Variants in TDP2 observed in about 807,000 individuals in gnomAD.
TDP2 encodes tyrosyl-DNA phosphodiesterase 2.
A neutral mutation model predicts 42.8 loss-of-function variants in TDP2; 38 were observed. The observed-to-expected ratio is 0.89, with a 90% CI of 0.68 to 1.16. TDP2 has a LOEUF of 1.16. Among genes scored for constraint, TDP2 ranks in the 50% most tolerant of loss-of-function variants. TDP2 has a pLI of 0.00. For missense variants in TDP2, 439 were observed against 439.3 expected (o/e 1.00, Z 0.01); for synonymous variants, 173 against 150.6 (o/e 1.15, Z -1.09).
intron 6 of TDP2, 66 bp downstream of exon 6, chr6:24,652,917 A>G: frequency 2.6e-6 from 4 of 1,564,258 alleles, no homozygotes; most frequent in Non-Finnish European, 3.5e-6. Flanking sequence ...CTTTGGTCAA[A>G]GGAACCTAAA....
At position 24,658,553 on chromosome 6, in the gene TDP2, A is replaced by T; in HGVS notation, c.425+8T>A. On this transcript the variant is annotated splice_region_variant and intron_variant, in intron 3 of 6. Coordinates refer to ENST00000378198, the MANE Select transcript of TDP2 (RefSeq NM_016614.3). The stretch of plus-strand genomic sequence containing the variant: ...ACATTACTATTAAATAGAAGTGATA[A>T]TACTTACAAAGCTAAGTAGGAACAC... 1 of 1,601,102 alleles carries T rather than the reference A, an allele frequency of 6.2e-7. No individual in the cohort carries two copies. Among genetic ancestry groups the T allele is most frequent in the Non-Finnish European group, 8.5e-7 (1 of 1,172,644 alleles).
intron 2 of TDP2, chr6:24,666,182 T>C: frequency 6.4e-7 from 1 of 1,550,570 alleles, no homozygotes. Flanking sequence ...GCAAGGAGAC[T>C]TCCAAGTTGC....
chr6:24,664,620 T>C lies in TDP2; in HGVS notation c.251+1906A>G, dbSNP rs528235895. ...ATTCATTTAAGACAGCCAATGCCCT[T>C]GCTCAGCAGGGTTGAGTTTTTCTGG... On this transcript the variant is annotated intron_variant, in intron 2 of 6. Coordinates refer to ENST00000378198, the MANE Select transcript of TDP2 (RefSeq NM_016614.3). Among the ~76,000 whole-genome samples, 8 of 152,332 alleles carry C rather than the reference T, an allele frequency of 5.3e-5. No individual in the cohort carries two copies. In the East Asian group the frequency reaches 1.5e-3, roughly 29 times the overall value.
At chr6:24,663,049 T>C (rs1375191877) in intron 2 of TDP2, among the ~76,000 whole-genome samples, 1 of 152,192 alleles carries the variant, frequency 6.6e-6, no homozygotes, top group Non-Finnish European at 1.5e-5. Context: ...TAACTCAATC[T>C]ACCTCATAAA....
At chr6:24,666,208 G>A in intron 2 of TDP2, 1 of 1,549,808 alleles carries the variant, frequency 6.5e-7, no homozygotes, top group Non-Finnish European at 8.7e-7. Flanking sequence ...TTCGATAGAA[G>A]GTTTAGCCTT....
rs1778029406 is a variant in TDP2, at chr6:24,654,535, A to C, written c.518-5T>G. On this transcript the variant is annotated splice_region_variant and splice_polypyrimidine_tract_variant and intron_variant, in intron 4 of 6. Transcript: ENST00000378198. ...TGAAATATCCTTCTTCATGACCTAC[A>C]AATGTTTGTGGAAAAGAATTTAGGC... 5.6e-6 allele frequency: 8 copies of C among 1,430,894 alleles called. No homozygotes were observed. The highest frequency in any genetic ancestry group is 7.8e-6 in the Non-Finnish European group (8 of 1,027,712). 88.6% of individuals were successfully genotyped at this position (1,430,894 alleles called of 1,614,324 possible).
In TDP2 at chr6:24,654,868, C is replaced by T. The variant is rs1052639734; in HGVS notation, c.518-338G>A. On this transcript the variant is annotated intron_variant, in intron 4 of 6. Coordinates refer to ENST00000378198, the MANE Select transcript of TDP2 (RefSeq NM_016614.3). ...CCAACCTGACCAAAATGGAGAAACC[C>T]TGCCTCTACAAAACACAAAATTAGT... is the stretch of plus-strand genomic sequence containing the variant. Among the ~76,000 whole-genome samples, 89 of 152,204 alleles carry T rather than the reference C, an allele frequency of 5.8e-4. 1 individual carries two copies. The highest frequency in any genetic ancestry group is 2.0e-3 in the African/African-American group (81 of 41,520).
rs1562147716 is a variant in TDP2 at position 24,655,568 on chromosome 6, C to CT, written c.518-1039dup. On this transcript the variant is annotated intron_variant, in intron 4 of 6. Coordinates refer to ENST00000378198, the MANE Select transcript of TDP2 (RefSeq NM_016614.3). ...TCCTTAGAGCTAAGTGACTGTCCCT[C>CT]TATTAACAGGAGACTACAGTTTTAC... Among the ~76,000 whole-genome samples the CT allele has an allele frequency of 4.6e-5, 7 of 152,308 alleles. No homozygotes were observed. The South Asian group carries it at 1.5e-3, about 32-fold the overall frequency.
chr6:24,658,944 G>C (rs2143339), intron 2 of TDP2: 341,297 of 542,976 alleles, frequency 0.63, 108,866 homozygotes, highest in Middle Eastern at 0.7. Flanking sequence ...CCACTTCTTT[G>C]TACGGAAAGT....
chr6:24,652,560 CAAAAAAG>C (rs1394849271), intron 6 of TDP2, among the ~76,000 whole-genome samples: 1 of 150,704 alleles, frequency 6.6e-6, no homozygotes, highest in African/African-American at 2.4e-5. Flanking sequence ...TAATAAAAGC[CAAAAAAG>C]AAAAAAGAAA....
chr6:24,666,077 G>A (rs1415653819), intron 2 of TDP2: 1 of 1,533,116 alleles, frequency 6.5e-7, no homozygotes, highest in South Asian at 1.2e-5. Context: ...TGAAATAACA[G>A]GAGTAGGTGT....
intron 6 of TDP2, among the ~76,000 whole-genome samples, chr6:24,651,594 AT>A (rs36036133): frequency 0.13 from 18,936 of 147,196 alleles, 2,120 homozygotes; most frequent in East Asian, 0.45. Flanking sequence ...CATTTTAACA[AT>A]TTTTTTTTTT....
chr6:24,664,711 A>C (rs767667002), intron 2 of TDP2, among the ~76,000 whole-genome samples: 3 of 152,164 alleles, frequency 2.0e-5, no homozygotes, highest in Non-Finnish European at 2.9e-5. Flanking sequence ...TCAAAAATCT[A>C]ATCAGGTCAC....
intron 6 of TDP2, among the ~76,000 whole-genome samples, chr6:24,651,612 G>T (rs1777976467): frequency 7.4e-6 from 1 of 135,870 alleles, no homozygotes; most frequent in African/African-American, 2.8e-5. Context: ...TTTTTTTGAG[G>T]TGGGAGTCTC....
chr6:24,665,929 G>A, intron 2 of TDP2: 3 of 649,008 alleles, frequency 4.6e-6, no homozygotes, highest in Non-Finnish European at 6.8e-6. Context: ...AAAGACAGGA[G>A]AAAATGACCC....
At chr6:24,666,179 G>C in intron 2 of TDP2, 1 of 1,550,522 alleles carries the variant, frequency 6.4e-7, no homozygotes, top group Non-Finnish European at 8.7e-7. Context: ...GAAGCAAGGA[G>C]ACTTCCAAGT....
intron 2 of TDP2, among the ~76,000 whole-genome samples, chr6:24,665,143 A>C (rs1468721607): frequency 6.6e-6 from 1 of 152,126 alleles, no homozygotes; most frequent in Non-Finnish European, 1.5e-5. Context: ...TCAATCCTAC[A>C]CTTCAACTTC....
intron 2 of TDP2, among the ~76,000 whole-genome samples, chr6:24,661,603 C>T (rs1347858670): frequency 6.6e-6 from 1 of 152,124 alleles, no homozygotes; most frequent in Non-Finnish European, 1.5e-5. Flanking sequence ...TTGTTCCTTT[C>T]AGTGAAGAAT....
rs965564079 is a variant in TDP2, at chr6:24,650,600, C to A, written c.*188G>T. The A allele has an allele frequency of 4.8e-6, 3 of 628,082 alleles. No individual in the cohort carries two copies. In the East Asian group the frequency reaches 8.5e-5, roughly 18 times the overall value. The allele number at this position is 628,082 out of a possible 1,614,324, so 38.9% of individuals were successfully genotyped here. ...ATTAAATGGCCTCACATCCTGAATG[C>A]AGGAATGTGTTCGTTTAAATAAACA... is the stretch of plus-strand genomic sequence containing the variant. On this transcript the variant is annotated 3_prime_UTR_variant, in exon 7 of 7. Coordinates refer to ENST00000378198, the MANE Select transcript of TDP2 (RefSeq NM_016614.3).
Sources: gnomAD v4.1 joint callset for allele counts (sites outside exome capture counted in the v4.1 genomes callset) on GRCh38, gnomAD v4.1.1 for gene constraint, MANE v1.5 for transcripts, NCBI Gene and HGNC (gene_info 2026-07-23, HGNC 2026-07-21) for gene names.